The following SLC26A8 variants were observed in gnomAD, a reference collection of about 807,000 sequenced individuals.
SLC26A8 encodes testis anion transporter 1.
A neutral mutation model predicts 105.0 loss-of-function variants in SLC26A8; 70 were observed. That is an observed-to-expected ratio of 0.67 (90% CI 0.55 to 0.81). The LOEUF is 0.81. Among genes scored for constraint, SLC26A8 ranks in the 40% least tolerant of loss-of-function variants. The pLI is 0.00. For synonymous variants in SLC26A8, 415 were observed against 438.3 expected, an observed-to-expected ratio of 0.95 and a Z score of 0.66; for missense variants, 998 against 1,181.8, an observed-to-expected ratio of 0.84 and a Z score of 2.28.
rs1761786755 is a variant in SLC26A8, at chr6:36,009,399, T to C, written c.328+2834A>G. On this transcript the variant is annotated intron_variant, in intron 3 of 19. Transcript: ENST00000490799. ...CAACAACAACAAACCTGCACATGAA[T>C]GTTCATATCGTCTATATGTGTAATA... Among the ~76,000 whole-genome samples, 2 of 150,794 alleles carry C rather than the reference T, an allele frequency of 1.3e-5. 1 individual carries two copies. Among genetic ancestry groups the C allele is most frequent in the Admixed American group, 1.3e-4 (2 of 15,200 alleles).
intron 19 of SLC26A8, 92 bp downstream of exon 19, chr6:35,951,071 A>C: frequency 7.9e-7 from 1 of 1,263,318 alleles, no homozygotes; most frequent in Non-Finnish European, 1.1e-6. Flanking sequence ...CTGATCAGGA[A>C]TCCTGACTCC....
At chr6:35,975,805 C>T (rs559295444) in intron 9 of SLC26A8, among the ~76,000 whole-genome samples, 14 of 149,518 alleles carry the variant, frequency 9.4e-5, no homozygotes, top group South Asian at 2.1e-4. Flanking sequence ...CCCAGCTACT[C>T]GGGAGTCTGA....
At chr6:35,955,906 T>A (rs1291171332) in intron 16 of SLC26A8, among the ~76,000 whole-genome samples, 1 of 152,128 alleles carries the variant, frequency 6.6e-6, no homozygotes, top group Non-Finnish European at 1.5e-5. Context: ...CCCTCTTCCT[T>A]CATCAGTGCA....
In SLC26A8 at chr6:35,992,647, A is replaced by T; in HGVS notation, c.655T>A (p.Phe219Ile). ...QLIMGVLGLG[F>I]IATYLPESAM... ...GACTCCGGAAGGTAAGTGGCAATGA[A>T]GCCCAAACCCAATACGCCCATTATT... is the stretch of plus-strand genomic sequence containing the variant. The change falls in exon 6 of 20, where the codon TTC becomes ATC. Residue 219 changes from phenylalanine (F) to isoleucine (I), a missense_variant. Physicochemically the swap from Phe to Ile is conservative, Grantham distance 21. Coordinates refer to ENST00000490799, the MANE Select transcript of SLC26A8 (RefSeq NM_052961.4). 6.2e-7 allele frequency: 1 copy of T among 1,613,244 alleles called. No individual in the cohort carries two copies. Among genetic ancestry groups the T allele is most frequent in the Non-Finnish European group, 8.5e-7 (1 of 1,179,700 alleles).
chr6:35,959,796 A>G lies in SLC26A8; in HGVS notation c.1649T>C (p.Ile550Thr), dbSNP rs1562023245. Reference protein sequence around the residue: ...SINDYREIITIPGVKIFQCCS... With the variant: ...SINDYREIITTPGVKIFQCCS... Reference sequence around the variant, plus strand: ...GCACTGGAAGATTTTCACCCCAGGAATGGTGATGATCTGCAAGACAAAATG... The same window carrying G: ...GCACTGGAAGATTTTCACCCCAGGAGTGGTGATGATCTGCAAGACAAAATG... The change falls in exon 15 of 20, where the codon ATT (isoleucine) becomes ACT (threonine). Residue 550 changes from isoleucine (I) to threonine (T), a missense_variant. Ile to Thr is a moderately conservative substitution (Grantham distance 89). Coordinates refer to ENST00000490799, the MANE Select transcript of SLC26A8 (RefSeq NM_052961.4). 6.2e-7 allele frequency: 1 copy of G among 1,607,186 alleles called. No individual in the cohort carries two copies. The highest frequency in any genetic ancestry group is 1.7e-5 in the Admixed American group (1 of 57,812).
chr6:36,024,279 G>A, intron 1 of SLC26A8: 1 of 343,104 alleles, frequency 2.9e-6, no homozygotes, highest in Non-Finnish European at 5.8e-6. Context: ...CGCACACACT[G>A]TTGTCTCTTG....
At chr6:36,003,269 T>C (rs980746705) in intron 3 of SLC26A8, among the ~76,000 whole-genome samples, 3 of 152,220 alleles carry the variant, frequency 2.0e-5, no homozygotes, top group African/African-American at 7.2e-5. Flanking sequence ...TGTTTTTCTT[T>C]ATAGAGACCC....
intron 2 of SLC26A8, among the ~76,000 whole-genome samples, chr6:36,013,036 A>G (rs568784540): frequency 1.3e-5 from 2 of 152,296 alleles, no homozygotes; most frequent in South Asian, 2.1e-4. Flanking sequence ...GACCTGTGAC[A>G]TGTAGAAATT....
chr6:35,948,044 T>C (rs2127286453), intron 19 of SLC26A8, among the ~76,000 whole-genome samples: 1 of 152,312 alleles, frequency 6.6e-6, no homozygotes, highest in Middle Eastern at 3.4e-3. Context: ...TAGAGACAGT[T>C]CATGTTTCTG....
intron 16 of SLC26A8, among the ~76,000 whole-genome samples, chr6:35,955,935 T>G (rs1772043106): frequency 6.6e-6 from 1 of 152,130 alleles, no homozygotes; most frequent in South Asian, 2.1e-4. Context: ...CTTTCAGACT[T>G]CCTTAAGACA....
At chr6:35,976,081 G>C (rs1773007764) in intron 9 of SLC26A8, among the ~76,000 whole-genome samples, 1 of 151,994 alleles carries the variant, frequency 6.6e-6, no homozygotes, top group Non-Finnish European at 1.5e-5. Context: ...CAGGACTTAG[G>C]ATGACAGGGA....
chr6:35,986,758 T>A (rs544457968), intron 7 of SLC26A8, among the ~76,000 whole-genome samples: 94 of 152,336 alleles, frequency 6.2e-4, no homozygotes, highest in African/African-American at 1.9e-3. Flanking sequence ...CCTTTTTTTT[T>A]AAGGCTGAAT....
At position 36,011,334 on chromosome 6, in the gene SLC26A8, T is replaced by C. The variant is rs559763597; in HGVS notation, c.328+899A>G. On this transcript the variant is annotated intron_variant, in intron 3 of 19. Transcript: ENST00000490799. The stretch of plus-strand genomic sequence containing the variant: ...CTGTGAATGAAAGATAAATATCCAG[T>C]TGGAAGCCCTACCTTTGGGATTCTC... 3.9e-5 allele frequency among the ~76,000 whole-genome samples: 6 copies of C among 152,302 alleles called. No individual in the cohort carries two copies. The East Asian group carries it at 9.7e-4, about 25-fold the overall frequency.
In SLC26A8 at chr6:35,955,422, T is replaced by C. The variant is rs1250669598; in HGVS notation, c.1962A>G (p.Gln654=). The C allele has an allele frequency of 1.2e-6, 2 of 1,614,046 alleles. No individual in the cohort carries two copies. The highest frequency in any genetic ancestry group is 1.7e-6 in the Non-Finnish European group (2 of 1,180,044). The change falls in exon 17 of 20, where the codon CAA becomes CAG. Residue 654 remains glutamine, a synonymous_variant. Transcript: ENST00000490799. ...ATGGCACTTGGTCTTCGGATGCAGT[T>C]TGGCTTGTGTTCATGCTCTCAAAAT... ...CSHFESMNTS[Q]TASEDQVPYT... is the part of the protein sequence containing the mutation.
chr6:35,969,321 C>T (rs1320156721), intron 10 of SLC26A8: 3 of 215,270 alleles, frequency 1.4e-5, no homozygotes, highest in South Asian at 6.3e-5. Context: ...CGTAGTTGGC[C>T]GGGTGCGGTG....
At chr6:35,993,155 CAT>C (rs1491375438) in intron 5 of SLC26A8, among the ~76,000 whole-genome samples, 14 of 67,964 alleles carry the variant, frequency 2.1e-4, no homozygotes, top group African/African-American at 7.5e-4. Context: ...TCACACTGGG[CAT>C]TTTTTTTTTT....
chr6:35,964,036 A>G (rs1260060485), intron 11 of SLC26A8, among the ~76,000 whole-genome samples: 1 of 151,868 alleles, frequency 6.6e-6, no homozygotes, highest in African/African-American at 2.4e-5. Flanking sequence ...ATAGTGAGAC[A>G]CCATCTCTAC....
At chr6:36,021,334 C>T (rs756311523) in intron 1 of SLC26A8, among the ~76,000 whole-genome samples, 3 of 151,856 alleles carry the variant, frequency 2.0e-5, no homozygotes, top group Non-Finnish European at 2.9e-5. Context: ...CCCCCCCCAC[C>T]TTTCTTTCCC....
At chr6:36,023,336 G>A (rs1191052794) in intron 1 of SLC26A8, among the ~76,000 whole-genome samples, 1 of 152,004 alleles carries the variant, frequency 6.6e-6, no homozygotes. Flanking sequence ...ATCAGCTGAG[G>A]TCAGGAGTTC....
Sources: allele counts gnomAD v4.1 joint callset (sites outside exome capture counted in the v4.1 genomes callset), GRCh38; gene constraint gnomAD v4.1.1; transcripts MANE v1.5; gene names NCBI Gene and HGNC (gene_info 2026-07-23, HGNC 2026-07-21).